EPS8L3: variants seen among roughly 807,000 people sequenced by gnomAD.
EPS8L3 encodes the protein EPS8 signaling adaptor L3.
In EPS8L3, 80 loss-of-function variants were observed where a neutral mutation model predicts 88.5. The ratio of observed to expected loss-of-function variants is 0.90; its 90% CI spans 0.75 to 1.09. EPS8L3 has a LOEUF of 1.09. Ranked by LOEUF, EPS8L3 falls within the 50% of genes least tolerant of loss-of-function variation. The pLI, the probability that EPS8L3 is intolerant of heterozygous loss-of-function variation, is 0.00. For missense variants in EPS8L3, 721 were observed against 735.2 expected (o/e 0.98, Z 0.22); for synonymous variants, 286 against 291.0 (o/e 0.98, Z 0.18).
At chr1:109,756,972 C>T in intron 12 of EPS8L3, 45 bp downstream of exon 12, 2 of 1,613,622 alleles carry the variant, frequency 1.2e-6, no homozygotes, top group South Asian at 1.1e-5. Context: ...CTGATGCCTC[C>T]ATGCCCCTCA....
At chr1:109,751,502 G>T in intron 16 of EPS8L3, 151 bp from the exon 17 acceptor site, 5 of 1,371,566 alleles carry the variant, frequency 3.6e-6, no homozygotes, top group Non-Finnish European at 3.0e-6. Flanking sequence ...CTTGTTCTCT[G>T]CTCTGGCCCC....
At chr1:109,757,203 C>T (rs114350993) in intron 11 of EPS8L3, 38 bp from the exon 12 acceptor site, 137 of 1,554,010 alleles carry the variant, frequency 8.8e-5, no homozygotes, top group Non-Finnish European at 1.2e-4. Flanking sequence ...AGCCTAGGCT[C>T]CCACAGGGCC....
intron 12 of EPS8L3, among the ~76,000 whole-genome samples, chr1:109,755,136 A>G (rs1021605900): frequency 2.0e-5 from 3 of 152,238 alleles, no homozygotes; most frequent in African/African-American, 7.2e-5. Flanking sequence ...CACATACGAC[A>G]GGACAAATAT....
rs773995331 is a variant in EPS8L3 at position 109,751,764 on chromosome 1, G to A, written c.1453C>T (p.Arg485Trp). 44 of 1,613,400 alleles carry A rather than the reference G, an allele frequency of 2.7e-5. No homozygotes were observed. Among genetic ancestry groups the A allele is most frequent in the Middle Eastern group, 1.7e-4 (1 of 6,032 alleles). ...GCCTCATTCTTCACCAGCCACCACC[G>A]CTTGCTGTGGTCCAGAACCTGCCAA... is the stretch of plus-strand genomic sequence containing the variant. ...EKLEVLDHSK[R>W]WWLVKNEAGR... The change falls in exon 16 of 19, where the codon CGG (arginine) becomes TGG (tryptophan). Residue 485 changes from arginine (R) to tryptophan (W), a missense_variant. Physicochemically the swap from Arg to Trp is moderately radical, Grantham distance 101. Transcript: ENST00000361965.
At position 109,759,454 on chromosome 1, in the gene EPS8L3, C is replaced by T. The variant is rs1432795732; in HGVS notation, c.256-67G>A. On this transcript the variant is annotated intron_variant, in intron 4 of 18. Transcript: ENST00000361965. The surrounding 1 kb of genome is among the most constrained non-coding windows in gnomAD (Gnocchi z 4.2). ...AGGTGTGGCTTCTGGGAGCTCCTGA[C>T]CAGCTCATCCTAGCCCTTTGGTGGC... is the stretch of plus-strand genomic sequence containing the variant. The T allele has an allele frequency of 7.6e-6, 12 of 1,586,532 alleles. No individual in the cohort carries two copies. Among genetic ancestry groups the T allele is most frequent in the Non-Finnish European group, 9.4e-6 (11 of 1,166,680 alleles).
Position 109,761,463 on chromosome 1 carries a change from G to A in EPS8L3, c.96+32C>T, listed in dbSNP as rs780818615. The A allele has an allele frequency of 4.4e-6, 7 of 1,586,934 alleles. No homozygotes were observed. The Admixed American group carries it at 1.0e-4, about 23-fold the overall frequency. ...CACATGGGAACACTTGGGTTTAGTTGGACACTGCCCGGGGGCTGCAGAGGT... is the reference window on the plus strand; with the variant it reads ...CACATGGGAACACTTGGGTTTAGTTAGACACTGCCCGGGGGCTGCAGAGGT... On this transcript the variant is annotated intron_variant, in intron 3 of 18. Coordinates refer to ENST00000361965, the MANE Select transcript of EPS8L3 (RefSeq NM_133181.4).
At chr1:109,752,244 C>G (rs1212911968) in intron 14 of EPS8L3, 51 bp from the exon 15 acceptor site, 1 of 1,543,922 alleles carries the variant, frequency 6.5e-7, no homozygotes, top group East Asian at 2.3e-5. Flanking sequence ...GAAATTAAGC[C>G]TATGTCCCAG....
At chr1:109,760,422 C>A (rs1650792422) in intron 3 of EPS8L3, among the ~76,000 whole-genome samples, 1 of 152,128 alleles carries the variant, frequency 6.6e-6, no homozygotes, top group Non-Finnish European at 1.5e-5. Flanking sequence ...CTTCTCCCAG[C>A]CAAACATTAC....
At chr1:109,761,051 T>C (rs904313976) in intron 3 of EPS8L3, among the ~76,000 whole-genome samples, 3 of 151,962 alleles carry the variant, frequency 2.0e-5, no homozygotes, top group Non-Finnish European at 2.9e-5. Flanking sequence ...ACAGTGGCCC[T>C]CTCAATCCCC....
At chr1:109,760,881 C>T (rs867624858) in intron 3 of EPS8L3, among the ~76,000 whole-genome samples, 13 of 152,260 alleles carry the variant, frequency 8.5e-5, no homozygotes, top group East Asian at 5.8e-4. Flanking sequence ...GCCTGTGCTT[C>T]GCCTTCACCT....
intron 12 of EPS8L3, among the ~76,000 whole-genome samples, chr1:109,754,042 T>G (rs534569198): frequency 1.9e-4 from 29 of 152,300 alleles, no homozygotes; most frequent in African/African-American, 6.5e-4. Flanking sequence ...AAAGGAATGA[T>G]TCCCTCTTCT....
At chr1:109,757,391 C>T in intron 11 of EPS8L3, 90 bp downstream of exon 11, 3 of 1,339,966 alleles carry the variant, frequency 2.2e-6, no homozygotes, top group Non-Finnish European at 3.2e-6. Flanking sequence ...CCCCTGCTCC[C>T]CCATCCCCCT....
At chr1:109,757,400 C>T (rs751756883) in intron 11 of EPS8L3, 81 bp downstream of exon 11, 21 of 1,404,044 alleles carry the variant, frequency 1.5e-5, no homozygotes, top group Non-Finnish European at 2.1e-5. Flanking sequence ...CCCCATCCCC[C>T]TCCACCAGCT....
At chr1:109,751,894 C>T (rs1649829890) in intron 15 of EPS8L3, 101 bp downstream of exon 15, 1 of 1,569,668 alleles carries the variant, frequency 6.4e-7, no homozygotes. Context: ...CCTCTCTAGG[C>T]CACCCACCTT....
chr1:109,750,161 G>T lies in EPS8L3; in HGVS notation c.*230C>A. On this transcript the variant is annotated 3_prime_UTR_variant, in exon 19 of 19. Coordinates refer to ENST00000361965, the MANE Select transcript of EPS8L3 (RefSeq NM_133181.4). ...GCCTAGGCATAAATGCTCCAGGTTTGGGAAAGAGGTAAAATAAATAGGTGG... is the reference window on the plus strand; with the variant it reads ...GCCTAGGCATAAATGCTCCAGGTTTTGGAAAGAGGTAAAATAAATAGGTGG... 1 of 591,886 alleles carries T rather than the reference G, an allele frequency of 1.7e-6. No individual in the cohort carries two copies. Among genetic ancestry groups the T allele is most frequent in the Non-Finnish European group, 3.0e-6 (1 of 332,626 alleles). 36.7% of individuals were successfully genotyped at this position (591,886 alleles called of 1,614,324 possible).
intron 11 of EPS8L3, 145 bp from the exon 12 acceptor site, chr1:109,757,310 T>C: frequency 8.6e-7 from 1 of 1,159,250 alleles, no homozygotes; most frequent in Non-Finnish European, 1.2e-6. Context: ...TTGGGCCTGC[T>C]GCTCCTTCCT....
chr1:109,752,519 A>G (rs1291557114), intron 14 of EPS8L3, among the ~76,000 whole-genome samples, 167 bp downstream of exon 14: 2 of 152,146 alleles, frequency 1.3e-5, no homozygotes, highest in African/African-American at 2.4e-5. Context: ...AGGAGGGTAG[A>G]ACACTGTTTT....
Position 109,752,137 on chromosome 1 carries a change from TTG to T in EPS8L3, c.1290_1291del (p.His430GlnfsTer3), listed in dbSNP as rs1649859197. On this transcript the variant is annotated frameshift_variant, in exon 15 of 19. Coordinates refer to ENST00000361965, the MANE Select transcript of EPS8L3 (RefSeq NM_133181.4). LOFTEE classifies it high-confidence loss of function. ...GGGGTCCCCAGGCTGAGGGTCATGGTTGTGTGTCTTCTCCTGAGGAAAGTGTG... is the reference window on the plus strand; with the variant it reads ...GGGGTCCCCAGGCTGAGGGTCATGGTTGTGTCTTCTCCTGAGGAAAGTGTG... The T allele has an allele frequency of 3.1e-6, 5 of 1,613,888 alleles. No homozygotes were observed. Among genetic ancestry groups the T allele is most frequent in the South Asian group, 2.2e-5 (2 of 91,066 alleles).
chr1:109,751,133 GCT>G (rs1649751602), intron 17 of EPS8L3, 143 bp downstream of exon 17: 1 of 731,500 alleles, frequency 1.4e-6, no homozygotes, highest in Non-Finnish European at 2.3e-6. Context: ...ACACGCCTCT[GCT>G]CTGTCCTCTA....
Sources: allele counts gnomAD v4.1 joint callset (sites outside exome capture counted in the v4.1 genomes callset), GRCh38; gene constraint gnomAD v4.1.1; non-coding constraint Gnocchi (gnomAD v3.1); transcripts MANE v1.5; gene names NCBI Gene and HGNC (gene_info 2026-07-23, HGNC 2026-07-21).